CNIH3: variants seen among roughly 807,000 people sequenced by gnomAD.
The protein encoded by CNIH3 is cornichon family AMPA receptor auxiliary protein 3, also known as protein cornichon homolog 3.
A neutral mutation model predicts 24.1 loss-of-function variants in CNIH3; 14 were observed. The observed-to-expected ratio is 0.58, with a 90% confidence interval of 0.38 to 0.91. CNIH3 has a LOEUF of 0.91. Among genes scored for constraint, CNIH3 ranks in the 40% least tolerant of loss-of-function variants. CNIH3 has a pLI of 0.00. For synonymous variants in CNIH3, 68 were observed against 73.8 expected, an observed-to-expected ratio of 0.92 and a Z score of 0.40; for missense variants, 178 against 196.8, an observed-to-expected ratio of 0.90 and a Z score of 0.57.
At chr1:224,594,571 A>G (rs1286598127) in intron 3 of CNIH3, among the ~76,000 whole-genome samples, 1 of 151,910 alleles carries the variant, frequency 6.6e-6, no homozygotes, top group Non-Finnish European at 1.5e-5. Flanking sequence ...AGTGTAGGTC[A>G]GGAGGCAGAA....
chr1:224,581,880 G>C (rs1419598667), intron 4 of CNIH3, among the ~76,000 whole-genome samples: 1 of 152,160 alleles, frequency 6.6e-6, no homozygotes, highest in Non-Finnish European at 1.5e-5. Flanking sequence ...AGGGGGATAA[G>C]GAGGACTGTG....
At chr1:224,623,282 A>T (rs1572606521) in intron 1 of CNIH3, among the ~76,000 whole-genome samples, 1 of 151,846 alleles carries the variant, frequency 6.6e-6, no homozygotes, top group Non-Finnish European at 1.5e-5. Context: ...CTGTGTCATT[A>T]CCCCTCATCA....
intron 1 of CNIH3, among the ~76,000 whole-genome samples, chr1:224,637,515 T>G (rs1445387324): frequency 6.6e-6 from 1 of 152,176 alleles, no homozygotes; most frequent in Non-Finnish European, 1.5e-5. Context: ...CATAGCAAGA[T>G]GAAGATCGTG....
chr1:224,674,273 T>C (rs142439520), intron 1 of CNIH3, among the ~76,000 whole-genome samples: 1 of 5,106 alleles, frequency 2.0e-4, no homozygotes, highest in Non-Finnish European at 5.9e-4. Context: ...TCCAGGAAGG[T>C]TTTTTTTTTT....
chr1:224,577,936 G>A (rs7415393), intron 4 of CNIH3, among the ~76,000 whole-genome samples: 38,758 of 151,966 alleles, frequency 0.26, 5,127 homozygotes, highest in Admixed American at 0.35. Context: ...GATGGAGTTG[G>A]AGACCATTAT....
chr1:224,616,522 G>A lies in CNIH3; in HGVS notation c.-653G>A. The A allele has an allele frequency of 2.0e-6, 2 of 987,242 alleles. No individual in the cohort carries two copies. The highest frequency in any genetic ancestry group is 1.7e-5 in the African/African-American group (1 of 57,346). 61.2% of individuals were successfully genotyped at this position (987,242 alleles called of 1,614,324 possible). A position where few individuals can be genotyped will look rare whatever the true frequency, so the allele number is the denominator to read the frequency against. Reference sequence around the variant, plus strand: ...CTGGCCGGAGTCACGGTTGGGGACGGGCGCGCCTCGGAGCGCACGGCTGCG... The same window carrying A: ...CTGGCCGGAGTCACGGTTGGGGACGAGCGCGCCTCGGAGCGCACGGCTGCG... On this transcript the variant is annotated 5_prime_UTR_variant, in exon 1 of 6. Transcript: ENST00000272133.
chr1:224,700,365 C>G (rs1687419338), intron 3 of CNIH3, among the ~76,000 whole-genome samples: 1 of 152,144 alleles, frequency 6.6e-6, no homozygotes, highest in South Asian at 2.1e-4. Context: ...GTTAGGGCTT[C>G]CACGTATAAA....
chr1:224,463,702 C>T (rs776051164), intron 1 of CNIH3, among the ~76,000 whole-genome samples: 11 of 149,384 alleles, frequency 7.4e-5, no homozygotes, highest in East Asian at 2.0e-4. Context: ...CCACCGTGCC[C>T]GGCCTGATAC....
chr1:224,526,695 G>A (rs1572414370), intron 2 of CNIH3, among the ~76,000 whole-genome samples: 1 of 152,026 alleles, frequency 6.6e-6, no homozygotes, highest in African/African-American at 2.4e-5. Context: ...GCCTGTATTC[G>A]GTCATTCTTT....
At position 224,739,728 on chromosome 1, in the gene CNIH3, G is replaced by A. The variant is rs537850198; in HGVS notation, c.*372G>A. On this transcript the variant is annotated 3_prime_UTR_variant, in exon 6 of 6. Transcript: ENST00000272133. ...CAAGTTCAAATGAGTTCCTGGGAGC[G>A]GAGGCTGGAAGGCCACAAGGTGCTT... 99 of 262,230 alleles carry A rather than the reference G, an allele frequency of 3.8e-4. No homozygotes were observed. The highest frequency in any genetic ancestry group is 1.9e-3 in the African/African-American group (86 of 44,368). 16.2% of individuals were successfully genotyped at this position (262,230 alleles called of 1,614,324 possible).
At chr1:224,466,909 A>C (rs760735179) in intron 1 of CNIH3, among the ~76,000 whole-genome samples, 1 of 151,998 alleles carries the variant, frequency 6.6e-6, no homozygotes, top group Non-Finnish European at 1.5e-5. Context: ...TTTTTAGTAC[A>C]CTTGCTAATT....
At chr1:224,454,953 A>G (rs1436370509) in intron 1 of CNIH3, among the ~76,000 whole-genome samples, 1 of 152,098 alleles carries the variant, frequency 6.6e-6, no homozygotes, top group Non-Finnish European at 1.5e-5. Context: ...AGGTACAGAG[A>G]TGCTCCTTGA....
intron 3 of CNIH3, among the ~76,000 whole-genome samples, chr1:224,726,883 T>TAA (rs11461562): frequency 3.2e-3 from 465 of 147,334 alleles, no homozygotes; most frequent in South Asian, 0.026. Context: ...CTTCTCTTAT[T>TAA]AAAAAAAAAA....
chr1:224,535,462 T>A (rs1476164973), intron 2 of CNIH3, among the ~76,000 whole-genome samples: 1 of 152,256 alleles, frequency 6.6e-6, no homozygotes, highest in African/African-American at 2.4e-5. Flanking sequence ...ACAGCATCAC[T>A]GAGAAACAAA....
At chr1:224,671,067 C>G (rs765863180) in intron 1 of CNIH3, among the ~76,000 whole-genome samples, 2 of 152,246 alleles carry the variant, frequency 1.3e-5, no homozygotes, top group Non-Finnish European at 2.9e-5. Flanking sequence ...TGGACTTGAA[C>G]CATGGCACTG....
At chr1:224,574,797 T>G in intron 4 of CNIH3, 1 of 1,005,918 alleles carries the variant, frequency 9.9e-7, no homozygotes, top group Non-Finnish European at 1.6e-6. Context: ...TGGGAAGGAA[T>G]TTTTCCCATT....
chr1:224,577,258 G>A (rs1292679755), intron 4 of CNIH3, among the ~76,000 whole-genome samples: 3 of 152,098 alleles, frequency 2.0e-5, no homozygotes, highest in Admixed American at 1.3e-4. Flanking sequence ...ATAATCAACA[G>A]AGTAAACAGA....
At chr1:224,481,503 A>T (rs1389494112) in intron 1 of CNIH3, among the ~76,000 whole-genome samples, 2 of 152,218 alleles carry the variant, frequency 1.3e-5, no homozygotes, top group Admixed American at 1.3e-4. Context: ...TGGCTCTTGC[A>T]GACTCATAGA....
intron 1 of CNIH3, among the ~76,000 whole-genome samples, chr1:224,468,863 G>A (rs573690030): frequency 6.6e-6 from 1 of 151,466 alleles, no homozygotes; most frequent in South Asian, 2.1e-4. Context: ...GTGATGCCAT[G>A]TTCCTGATAT....
Sources: allele counts gnomAD v4.1 joint callset (sites outside exome capture counted in the v4.1 genomes callset), GRCh38; gene constraint gnomAD v4.1.1; transcripts MANE v1.5; gene names NCBI Gene and HGNC (gene_info 2026-07-23, HGNC 2026-07-21).